UBASH3A: variants seen among roughly 807,000 people sequenced by gnomAD.
The protein encoded by UBASH3A is ubiquitin associated and SH3 domain containing A.
UBASH3A carries 63 observed loss-of-function variants against 73.5 expected under a neutral mutation model. The observed-to-expected ratio is 0.86, with a 90% CI of 0.70 to 1.06. The LOEUF is 1.06. UBASH3A is among the 50% of genes least tolerant of loss of function. The pLI, the probability that UBASH3A is intolerant of heterozygous loss-of-function variation, is 0.00. For synonymous variants in UBASH3A, 363 were observed against 351.1 expected, an observed-to-expected ratio of 1.03 and a Z score of -0.38; for missense variants, 860 against 859.0, an observed-to-expected ratio of 1.00 and a Z score of -0.02.
intron 6 of UBASH3A, among the ~76,000 whole-genome samples, chr21:42,417,962 A>G (rs2053255378): frequency 7.4e-6 from 1 of 134,908 alleles, no homozygotes. Context: ...CGCCCACTTC[A>G]ACCTTCGCCT....
chr21:42,429,115 C>A (rs1462398789), intron 8 of UBASH3A, among the ~76,000 whole-genome samples: 2 of 152,286 alleles, frequency 1.3e-5, no homozygotes, highest in Non-Finnish European at 2.9e-5. Context: ...GCCAGAGAGG[C>A]AGAGACTGGA....
chr21:42,440,994 T>A (rs1428307272), intron 11 of UBASH3A, among the ~76,000 whole-genome samples: 3 of 152,230 alleles, frequency 2.0e-5, no homozygotes, highest in African/African-American at 7.2e-5. Context: ...TTCAAAAATG[T>A]CTTTTGCCAG....
intron 7 of UBASH3A, among the ~76,000 whole-genome samples, chr21:42,425,916 A>G (rs2053426515): frequency 1.3e-5 from 2 of 152,200 alleles, no homozygotes; most frequent in Non-Finnish European, 2.9e-5. Flanking sequence ...GAGTGGATCA[A>G]AGGGGATGGT....
Position 42,406,343 on chromosome 21 carries a change from CGGA to C in UBASH3A, c.155_157del (p.Glu52del), listed in dbSNP as rs1568905297. On this transcript the variant is annotated inframe_deletion, in exon 2 of 15. Transcript: ENST00000319294. ...TTGGCAGCCACGGGGAGGAAGACGGCGGAGGAGGCCTTGGCCTGGTGAGTGCAG... is the reference window on the plus strand; with the variant it reads ...TTGGCAGCCACGGGGAGGAAGACGGCGGAGGCCTTGGCCTGGTGAGTGCAG... The C allele has an allele frequency of 6.2e-7, 1 of 1,613,936 alleles. No homozygotes were observed. Among genetic ancestry groups the C allele is most frequent in the South Asian group, 1.1e-5 (1 of 91,076 alleles).
At chr21:42,446,556 C>T (rs1188301197) in intron 14 of UBASH3A, among the ~76,000 whole-genome samples, 1 of 152,236 alleles carries the variant, frequency 6.6e-6, no homozygotes, top group African/African-American at 2.4e-5. Flanking sequence ...AAGGCTTCAC[C>T]ACAAAGCTCT....
At chr21:42,432,323 T>C (rs1253934389) in intron 9 of UBASH3A, 121 bp downstream of exon 9, 1 of 631,858 alleles carries the variant, frequency 1.6e-6, no homozygotes. Context: ...AGAATGACCA[T>C]GTGTAGACTG....
intron 7 of UBASH3A, among the ~76,000 whole-genome samples, chr21:42,420,935 T>C (rs2053327461): frequency 6.6e-6 from 1 of 152,234 alleles, no homozygotes; most frequent in African/African-American, 2.4e-5. Context: ...AGGCTGTGTG[T>C]GATGCTTAGG....
At chr21:42,409,372 A>G in intron 2 of UBASH3A, 50 bp from the exon 3 acceptor site, 1 of 1,498,746 alleles carries the variant, frequency 6.7e-7, no homozygotes, top group Non-Finnish European at 8.9e-7. Flanking sequence ...CAAAGGGGAA[A>G]ACTCTTTTTG....
At chr21:42,444,750 G>A (rs1029702195) in intron 14 of UBASH3A, 107 bp downstream of exon 14, 30 of 941,872 alleles carry the variant, frequency 3.2e-5, no homozygotes, top group Non-Finnish European at 4.9e-5. Context: ...GCTGACCCAG[G>A]GCCACCAGGA....
At chr21:42,440,940 A>T (rs1217653966) in intron 11 of UBASH3A, among the ~76,000 whole-genome samples, 1 of 152,038 alleles carries the variant, frequency 6.6e-6, no homozygotes, top group Non-Finnish European at 1.5e-5. Context: ...TTTTTGGTGG[A>T]TTTTTTTACT....
In UBASH3A at chr21:42,434,887, T is replaced by C; in HGVS notation, c.1326T>C (p.Arg442=). ...NFPCSLPRRS[R]GIKDFENDPP... Reference sequence around the variant, plus strand: ...CCTGCAGTCTGCCAAGACGGAGTCGTGGGATCAAAGACTTTGAAAACGATC... The same window carrying C: ...CCTGCAGTCTGCCAAGACGGAGTCGCGGGATCAAAGACTTTGAAAACGATC... The change falls in exon 10 of 15, where the codon CGT becomes CGC. Residue 442 remains arginine, a synonymous_variant. Coordinates refer to ENST00000319294, the MANE Select transcript of UBASH3A (RefSeq NM_018961.4). 6.2e-7 allele frequency: 1 copy of C among 1,614,238 alleles called. No individual in the cohort carries two copies. Among genetic ancestry groups the C allele is most frequent in the Non-Finnish European group, 8.5e-7 (1 of 1,180,032 alleles).
intron 11 of UBASH3A, among the ~76,000 whole-genome samples, chr21:42,440,557 A>AT (rs1568939714): frequency 6.6e-6 from 1 of 152,152 alleles, no homozygotes; most frequent in Non-Finnish European, 1.5e-5. Flanking sequence ...CAATGAGCGC[A>AT]TTTTGTTGGA....
chr21:42,433,056 C>T (rs901161910), intron 9 of UBASH3A, among the ~76,000 whole-genome samples: 2 of 151,904 alleles, frequency 1.3e-5, no homozygotes, highest in East Asian at 1.9e-4. Flanking sequence ...TGGGGAGAAC[C>T]AATACAAAAC....
At chr21:42,437,920 G>A (rs545771599) in intron 11 of UBASH3A, among the ~76,000 whole-genome samples, 7 of 152,186 alleles carry the variant, frequency 4.6e-5, no homozygotes, top group Non-Finnish European at 7.3e-5. Context: ...GAACTGCTAC[G>A]GTTCCTTGTA....
chr21:42,440,301 G>A (rs748176742), intron 11 of UBASH3A, among the ~76,000 whole-genome samples: 27 of 152,236 alleles, frequency 1.8e-4, no homozygotes, highest in Non-Finnish European at 3.5e-4. Context: ...CAGGGTCTCC[G>A]AGTATCTGGG....
chr21:42,434,490 G>A (rs144287740), intron 9 of UBASH3A, among the ~76,000 whole-genome samples: 16 of 152,278 alleles, frequency 1.1e-4, no homozygotes, highest in Middle Eastern at 3.4e-3. Context: ...GATTCTTACC[G>A]AGTTACACTA....
intron 3 of UBASH3A, among the ~76,000 whole-genome samples, chr21:42,411,276 T>C (rs919710789): frequency 3.4e-5 from 5 of 148,968 alleles, no homozygotes; most frequent in African/African-American, 7.5e-5. Context: ...TACATGTACA[T>C]AGGTACACAT....
In UBASH3A at chr21:42,447,384, A is replaced by G. The variant is rs2053862562; in HGVS notation, c.*190A>G. On this transcript the variant is annotated 3_prime_UTR_variant, in exon 15 of 15. Coordinates refer to ENST00000319294, the MANE Select transcript of UBASH3A (RefSeq NM_018961.4). ...CTTTGTAACTCCCATCTGTGGACCC[A>G]TCGTCCACCAGCCCAGCTGCGGGGA... 1 of 595,336 alleles carries G rather than the reference A, an allele frequency of 1.7e-6. No homozygotes were observed. Among genetic ancestry groups the G allele is most frequent in the African/African-American group, 1.9e-5 (1 of 52,708 alleles). The allele number at this position is 595,336 out of a possible 1,614,324, so 36.9% of individuals were successfully genotyped here. A position where few individuals can be genotyped will look rare whatever the true frequency, so the allele number is the denominator to read the frequency against.
At chr21:42,406,278 G>A in intron 1 of UBASH3A, 30 bp from the exon 2 acceptor site, 3 of 1,607,486 alleles carry the variant, frequency 1.9e-6, no homozygotes, top group South Asian at 2.2e-5. Flanking sequence ...TGGGCGACGT[G>A]ACTTTGTGTC....
Sources: allele counts gnomAD v4.1 joint callset (sites outside exome capture counted in the v4.1 genomes callset), GRCh38; gene constraint gnomAD v4.1.1; transcripts MANE v1.5; gene names NCBI Gene and HGNC (gene_info 2026-07-23, HGNC 2026-07-21).